The following SFRP1 variants were observed in gnomAD, a reference collection of about 807,000 sequenced individuals.
The protein encoded by SFRP1 is secreted frizzled-related protein 1.
A neutral mutation model predicts 25.9 loss-of-function variants in SFRP1; 9 were observed. The ratio of observed to expected loss-of-function variants is 0.35; its 90% CI spans 0.21 to 0.61. SFRP1 has a LOEUF of 0.61. Among genes scored for constraint, SFRP1 ranks in the 20% least tolerant of loss-of-function variants. The pLI, the probability that SFRP1 is intolerant of heterozygous loss-of-function variation, is 0.78. For synonymous variants in SFRP1, 178 were observed against 174.0 expected, an observed-to-expected ratio of 1.02 and a Z score of -0.18; for missense variants, 346 against 418.2, an observed-to-expected ratio of 0.83 and a Z score of 1.51.
intron 1 of SFRP1, chr8:41,306,921 C>T: frequency 6.4e-7 from 1 of 1,566,166 alleles, no homozygotes; most frequent in South Asian, 1.2e-5. Flanking sequence ...CCCGTCCAAT[C>T]CCCCCATGTT....
intron 2 of SFRP1, among the ~76,000 whole-genome samples, chr8:41,289,150 C>T (rs1239669167): frequency 6.6e-6 from 1 of 152,208 alleles, no homozygotes; most frequent in Admixed American, 6.5e-5. Context: ...GGCCAGTGTT[C>T]CCAGGGGCCT....
intron 2 of SFRP1, among the ~76,000 whole-genome samples, chr8:41,278,567 AC>A (rs1190992836): frequency 6.6e-6 from 1 of 152,152 alleles, no homozygotes; most frequent in East Asian, 1.9e-4. Context: ...AGAAGCCCAG[AC>A]CGCACAATGG....
At chr8:41,285,901 T>C (rs1043211017) in intron 2 of SFRP1, among the ~76,000 whole-genome samples, 13 of 152,116 alleles carry the variant, frequency 8.5e-5, no homozygotes, top group African/African-American at 3.1e-4. Context: ...GGCCACCCTT[T>C]GGTGTTCTCT....
intron 2 of SFRP1, among the ~76,000 whole-genome samples, chr8:41,290,356 G>C (rs1328031716): frequency 6.6e-6 from 1 of 152,186 alleles, no homozygotes; most frequent in Non-Finnish European, 1.5e-5. Context: ...GGCTAACCCA[G>C]CCCTGAAGGC....
At chr8:41,266,070 G>A (rs1216269545) in intron 2 of SFRP1, among the ~76,000 whole-genome samples, 1 of 151,998 alleles carries the variant, frequency 6.6e-6, no homozygotes, top group East Asian at 1.9e-4. Context: ...GGAGGCTGAG[G>A]CAGGAGAATT....
rs1260690086 is a variant in SFRP1 at position 41,265,549 on chromosome 8, G to C, written c.623-60C>G. The C allele has an allele frequency of 3.9e-6, 5 of 1,269,118 alleles. No individual in the cohort carries two copies. The African/African-American group carries it at 6.1e-5, about 15-fold the overall frequency. 78.6% of individuals were successfully genotyped at this position (1,269,118 alleles called of 1,614,324 possible). A position where few individuals can be genotyped will look rare whatever the true frequency, so the allele number is the denominator to read the frequency against. On this transcript the variant is annotated intron_variant, in intron 2 of 2. Coordinates refer to ENST00000220772, the MANE Select transcript of SFRP1 (RefSeq NM_003012.5). Reference sequence around the variant, plus strand: ...GGTAAGAGAAAGCATTTAGAACACAGCTTTTCTTTTTTTGATCCTCAAAGT... The same window carrying C: ...GGTAAGAGAAAGCATTTAGAACACACCTTTTCTTTTTTTGATCCTCAAAGT...
At position 41,297,068 on chromosome 8, in the gene SFRP1, A is replaced by G. The variant is rs116130261; in HGVS notation, c.622+6393T>C. Among the ~76,000 whole-genome samples the G allele has an allele frequency of 5.9e-3, 898 of 152,290 alleles. 10 individuals carry two copies. Among genetic ancestry groups the G allele is most frequent in the African/African-American group, 0.021 (859 of 41,546 alleles). On this transcript the variant is annotated intron_variant, in intron 2 of 2. Coordinates refer to ENST00000220772, the MANE Select transcript of SFRP1 (RefSeq NM_003012.5). Reference sequence around the variant, plus strand: ...GTGGGTTTTGTTTTGTTTTTGAGACAGAGTTTCGCTCTATCACCCAGGCTG... The same window carrying G: ...GTGGGTTTTGTTTTGTTTTTGAGACGGAGTTTCGCTCTATCACCCAGGCTG...
At chr8:41,292,187 C>T (rs931163759) in intron 2 of SFRP1, among the ~76,000 whole-genome samples, 40 of 152,320 alleles carry the variant, frequency 2.6e-4, no homozygotes, top group African/African-American at 7.9e-4. Flanking sequence ...GGGCTTAACT[C>T]GGGTTCAGAG....
At chr8:41,283,435 T>C (rs1320342588) in intron 2 of SFRP1, among the ~76,000 whole-genome samples, 1 of 152,082 alleles carries the variant, frequency 6.6e-6, no homozygotes, top group Non-Finnish European at 1.5e-5. Flanking sequence ...CCGATTGCTG[T>C]TTCAGCCATG....
intron 2 of SFRP1, among the ~76,000 whole-genome samples, chr8:41,282,884 A>C (rs979833739): frequency 3.3e-5 from 5 of 152,214 alleles, no homozygotes; most frequent in Admixed American, 3.3e-4. Context: ...ACAAGCAAAT[A>C]AAGTTTTTTT....
chr8:41,273,798 G>A (rs6996627), intron 2 of SFRP1, among the ~76,000 whole-genome samples: 3,080 of 152,266 alleles, frequency 0.02, 93 homozygotes, highest in African/African-American at 0.07. Flanking sequence ...AAACGTGTGT[G>A]TGTCCAAGAG....
At chr8:41,280,814 T>C (rs1585510610) in intron 2 of SFRP1, among the ~76,000 whole-genome samples, 1 of 152,118 alleles carries the variant, frequency 6.6e-6, no homozygotes, top group Admixed American at 6.5e-5. Flanking sequence ...AGGGCACACA[T>C]AGACAGAGCT....
At position 41,278,751 on chromosome 8, in the gene SFRP1, C is replaced by CA. The variant is rs1246648082; in HGVS notation, c.623-13263dup. ...CCCCGGAAAAACACCTGACACACTC[C>CA]ACAAATAATAATCAGCAGATCTTCA... On this transcript the variant is annotated intron_variant, in intron 2 of 2. Transcript: ENST00000220772. 5.9e-5 allele frequency among the ~76,000 whole-genome samples: 9 copies of CA among 152,310 alleles called. No individual in the cohort carries two copies. The East Asian group carries it at 1.7e-3, about 29-fold the overall frequency.
chr8:41,280,287 G>A (rs891437731), intron 2 of SFRP1, among the ~76,000 whole-genome samples: 13 of 152,226 alleles, frequency 8.5e-5, no homozygotes, highest in Admixed American at 3.3e-4. Flanking sequence ...GCAGAGGAAC[G>A]CTGGCCTCTC....
intron 2 of SFRP1, among the ~76,000 whole-genome samples, chr8:41,284,430 A>ATTGCTG (rs1803673684): frequency 1.3e-5 from 2 of 151,520 alleles, no homozygotes; most frequent in African/African-American, 2.4e-5. Flanking sequence ...CCCCTCCCAC[A>ATTGCTG]GCAAACCCCA....
At position 41,301,116 on chromosome 8, in the gene SFRP1, AC is replaced by A. The variant is rs549692291; in HGVS notation, c.622+2344del. The stretch of plus-strand genomic sequence containing the variant: ...AGACCACAGATGCAGTGGCAGGGGG[AC>A]GAGGGTGCTGCTTACCCAGGGAAAT... On this transcript the variant is annotated intron_variant, in intron 2 of 2. Coordinates refer to ENST00000220772, the MANE Select transcript of SFRP1 (RefSeq NM_003012.5). Among the ~76,000 whole-genome samples the A allele has an allele frequency of 4.3e-4, 66 of 152,176 alleles. 1 individual carries two copies. In the South Asian group the frequency reaches 0.013, roughly 30 times the overall value.
At chr8:41,290,351 A>T (rs1477474558) in intron 2 of SFRP1, among the ~76,000 whole-genome samples, 1 of 152,230 alleles carries the variant, frequency 6.6e-6, no homozygotes, top group East Asian at 1.9e-4. Context: ...ACCTGGGCTA[A>T]CCCAGCCCTG....
intron 2 of SFRP1, among the ~76,000 whole-genome samples, chr8:41,284,660 C>A (rs1281810319): frequency 6.6e-6 from 1 of 152,184 alleles, no homozygotes; most frequent in Non-Finnish European, 1.5e-5. Flanking sequence ...GCCCAGCCTG[C>A]AGGGCCCACA....
At chr8:41,297,293 C>T (rs2117512412) in intron 2 of SFRP1, among the ~76,000 whole-genome samples, 1 of 142,704 alleles carries the variant, frequency 7.0e-6, no homozygotes, top group East Asian at 2.0e-4. Flanking sequence ...ATCCACCCAC[C>T]TCAGCCTCCC....
Sources: allele counts gnomAD v4.1 joint callset (sites outside exome capture counted in the v4.1 genomes callset), GRCh38; gene constraint gnomAD v4.1.1; transcripts MANE v1.5; gene names NCBI Gene and HGNC (gene_info 2026-07-23, HGNC 2026-07-21).